KIF14: variants seen among roughly 807,000 people sequenced by gnomAD.
KIF14 encodes the protein kinesin-like protein KIF14.
Under a neutral mutation model 176.2 loss-of-function variants are expected in KIF14, and 98 were observed. That is an observed-to-expected ratio of 0.56 (90% CI 0.47 to 0.66). The LOEUF (loss-of-function observed/expected upper bound fraction) is 0.66, where lower values mean the gene tolerates loss of function less well. Among genes scored for constraint, KIF14 ranks in the 30% least tolerant of loss-of-function variants. The probability of loss-of-function intolerance (pLI) is 0.00; values close to 1 mark genes in which losing one functional copy is unlikely to be tolerated. For missense variants in KIF14, 1,751 were observed against 1,920.4 expected, an observed-to-expected ratio of 0.91 and a Z score of 1.65; for synonymous variants, 566 against 632.2, an observed-to-expected ratio of 0.90 and a Z score of 1.57.
chr1:200,596,273 T>C (rs1363830752), intron 14 of KIF14, among the ~76,000 whole-genome samples: 1 of 152,058 alleles, frequency 6.6e-6, no homozygotes, highest in Non-Finnish European at 1.5e-5. Flanking sequence ...TAAAGATTCA[T>C]TACAAAGCTC....
At chr1:200,615,831 C>A (rs1249812176) in intron 2 of KIF14, among the ~76,000 whole-genome samples, 1 of 152,076 alleles carries the variant, frequency 6.6e-6, no homozygotes, top group Admixed American at 6.5e-5. Context: ...TCCCAGATTC[C>A]TCCAGAAAAC....
intron 2 of KIF14, among the ~76,000 whole-genome samples, chr1:200,617,009 C>T (rs1260576088): frequency 1.3e-5 from 2 of 152,128 alleles, no homozygotes; most frequent in Non-Finnish European, 2.9e-5. Flanking sequence ...GTTCTGTCGC[C>T]CAGGCTGGAG....
intron 14 of KIF14, among the ~76,000 whole-genome samples, chr1:200,595,614 G>A (rs1342044314): frequency 6.6e-6 from 1 of 152,068 alleles, no homozygotes; most frequent in Non-Finnish European, 1.5e-5. Context: ...TAATAAAAGA[G>A]CAAAAGAACC....
At chr1:200,572,351 CT>C (rs952908808) in intron 22 of KIF14, among the ~76,000 whole-genome samples, 3 of 151,098 alleles carry the variant, frequency 2.0e-5, no homozygotes, top group African/African-American at 7.3e-5. Flanking sequence ...GGCTAAAAGT[CT>C]TTTTTTTTAA....
In KIF14 at chr1:200,618,110, C is replaced by T; in HGVS notation, c.614G>A (p.Arg205Lys). ...KYKETFSAPS[R>K]ANENVALKYS... ...CTTAAGTGCAACATTTTCATTTGCT[C>T]TACTGGGGGCAGAAAATGTTTCTTT... Residue 205 changes from arginine to lysine, a missense_variant, in exon 2 of 30, where the codon AGA becomes AAA. Transcript: ENST00000367350. 1.2e-6 allele frequency: 2 copies of T among 1,614,030 alleles called. No individual in the cohort carries two copies. Among genetic ancestry groups the T allele is most frequent in the Non-Finnish European group, 1.7e-6 (2 of 1,180,018 alleles).
intron 11 of KIF14, among the ~76,000 whole-genome samples, chr1:200,601,153 G>A (rs1659607239): frequency 1.3e-5 from 2 of 152,176 alleles, no homozygotes. Context: ...AAAGTGCTGG[G>A]ATTATAGGCA....
At chr1:200,561,279 G>A (rs1441894769) in intron 25 of KIF14, among the ~76,000 whole-genome samples, 2 of 149,430 alleles carry the variant, frequency 1.3e-5, no homozygotes, top group Admixed American at 6.7e-5. Flanking sequence ...GGTGGCTCAT[G>A]CCTGTAATCT....
chr1:200,589,368 C>G lies in KIF14; in HGVS notation c.2963G>C (p.Arg988Thr). 3.8e-6 allele frequency: 6 copies of G among 1,598,148 alleles called. No homozygotes were observed. The highest frequency in any genetic ancestry group is 5.1e-6 in the Non-Finnish European group (6 of 1,172,534). Residue 988 changes from arginine (R) to threonine (T), a missense_variant and splice_region_variant, in exon 18 of 30, where the codon AGA becomes ACA. Physicochemically the swap from Arg to Thr is moderately conservative, Grantham distance 71. Transcript: ENST00000367350. ...CATTTTTTTCCTTTGAGACTCTTCT[C>G]TCTTTAAAGAACAATAATAAAAAAT... ...SKIKALEAELREESQRKKMQE... is the reference protein window; with the variant it reads ...SKIKALEAELTEESQRKKMQE...
At chr1:200,614,965 G>A (rs1660340945) in intron 3 of KIF14, among the ~76,000 whole-genome samples, 3 of 152,086 alleles carry the variant, frequency 2.0e-5, no homozygotes, top group African/African-American at 7.2e-5. Flanking sequence ...TCGAACTCCT[G>A]CACTTAAGCA....
At position 200,618,017 on chromosome 1, in the gene KIF14, G is replaced by A. The variant is rs1660492386; in HGVS notation, c.707C>T (p.Thr236Ile). The A allele has an allele frequency of 6.2e-7, 1 of 1,614,108 alleles. No homozygotes were observed. Among genetic ancestry groups the A allele is most frequent in the Non-Finnish European group, 8.5e-7 (1 of 1,180,014 alleles). ...CAACTTGCTCTGAGTAGGTTTCGTT[G>A]TCAAGTGTCCTGATCTAACAACTTC... ...QTEVVRSGHL[T>I]TKPTQSKLDI... The change falls in exon 2 of 30, where the codon ACA becomes ATA. Residue 236 changes from threonine to isoleucine, a missense_variant. Physicochemically the swap from Thr to Ile is moderately conservative, Grantham distance 89. Transcript: ENST00000367350.
In KIF14 at chr1:200,615,563, C is replaced by T; in HGVS notation, c.1159G>A (p.Glu387Lys). 1.2e-6 allele frequency: 2 copies of T among 1,613,804 alleles called. No individual in the cohort carries two copies. The highest frequency in any genetic ancestry group is 1.7e-6 in the Non-Finnish European group (2 of 1,179,764). Residue 387 changes from glutamate to lysine, a missense_variant, in exon 3 of 30, where the codon GAA (glutamate) becomes AAA (lysine). Coordinates refer to ENST00000367350, the MANE Select transcript of KIF14 (RefSeq NM_014875.3). The stretch of plus-strand genomic sequence containing the variant: ...GTGTCAGGGTGTTCCACAGTTATTT[C>T]TTTCCCACTCATGAAGACTACCTGG... ...ASQVVFMSGK[E>K]ITVEHPDTKQ...
chr1:200,617,202 A>AAGTGATCTGCCTGCCTTGACCTCC (rs1208476442), intron 2 of KIF14, among the ~76,000 whole-genome samples: 6 of 152,268 alleles, frequency 3.9e-5, no homozygotes, highest in African/African-American at 1.4e-4. Context: ...CCCTGGCCTC[A>AAGTGATCTGCCTGCCTTGACCTCC]AGTGATCTGC....
chr1:200,569,976 ATTCTTCTG>A lies in KIF14; in HGVS notation c.3588_3595del (p.Arg1197PhefsTer6). 1 of 1,603,410 alleles carries A rather than the reference ATTCTTCTG, an allele frequency of 6.2e-7. No individual in the cohort carries two copies. Among genetic ancestry groups the A allele is most frequent in the Non-Finnish European group, 8.5e-7 (1 of 1,172,402 alleles). On this transcript the variant is annotated frameshift_variant, in exon 23 of 30. Transcript: ENST00000367350. LOFTEE classifies it high-confidence loss of function. ...TTGTATGTCATGTAAACAACCAGAA[ATTCTTCTG>A]TTCTTCATCAAACTCCTACTCCTGA...
intron 14 of KIF14, among the ~76,000 whole-genome samples, chr1:200,595,008 CA>C (rs1296472356): frequency 7.9e-5 from 12 of 152,270 alleles, no homozygotes; most frequent in Admixed American, 7.8e-4. Context: ...AATCTGGCTT[CA>C]ACCACCAACC....
In KIF14 at chr1:200,617,685, C is replaced by A. The variant is rs764482682; in HGVS notation, c.1039G>T (p.Ala347Ser). ...EEETVVQNTS[A>S]GKDPLKVENS... The stretch of plus-strand genomic sequence containing the variant: ...TCTACTTTTAAGGGGTCTTTTCCTG[C>A]AGAGGTGTTCTGAACTACAGTTTCT... The change falls in exon 2 of 30, where the codon GCA becomes TCA. Residue 347 changes from alanine (A) to serine (S), a missense_variant. Ala to Ser is a moderately conservative substitution (Grantham distance 99, BLOSUM62 1). Coordinates refer to ENST00000367350, the MANE Select transcript of KIF14 (RefSeq NM_014875.3). 1 of 1,614,170 alleles carries A rather than the reference C, an allele frequency of 6.2e-7. No homozygotes were observed. The highest frequency in any genetic ancestry group is 8.5e-7 in the Non-Finnish European group (1 of 1,180,000).
At chr1:200,561,229 TAAAAA>T (rs10643609) in intron 25 of KIF14, among the ~76,000 whole-genome samples, 2 of 128,080 alleles carry the variant, frequency 1.6e-5, no homozygotes, top group African/African-American at 6.0e-5. Flanking sequence ...GACTCCATCT[TAAAAA>T]AAAAAAAAAA....
intron 25 of KIF14, among the ~76,000 whole-genome samples, chr1:200,564,815 T>TG (rs1657354333): frequency 6.6e-6 from 1 of 152,192 alleles, no homozygotes; most frequent in African/African-American, 2.4e-5. Context: ...ATAACAACAG[T>TG]GCCCACTGCT....
In KIF14 at chr1:200,615,555, A is replaced by G. The variant is rs1211705570; in HGVS notation, c.1167T>C (p.Thr389=). Residue 389 remains threonine, a synonymous_variant, in exon 3 of 30, where the codon ACT becomes ACC. Transcript: ENST00000367350. ...CTTGTTTCGTGTCAGGGTGTTCCACAGTTATTTCTTTCCCACTCATGAAGA... is the reference window on the plus strand; with the variant it reads ...CTTGTTTCGTGTCAGGGTGTTCCACGGTTATTTCTTTCCCACTCATGAAGA... ...QVVFMSGKEI[T]VEHPDTKQVY... is the part of the protein sequence containing the mutation. The G allele has an allele frequency of 1.9e-6, 3 of 1,613,676 alleles. No individual in the cohort carries two copies. The highest frequency in any genetic ancestry group is 2.5e-6 in the Non-Finnish European group (3 of 1,179,704).
At chr1:200,560,461 G>A (rs997460782) in intron 26 of KIF14, among the ~76,000 whole-genome samples, 5 of 151,990 alleles carry the variant, frequency 3.3e-5, no homozygotes, top group Non-Finnish European at 1.5e-5. Flanking sequence ...CAGTAGAGAC[G>A]GGTGTTTCGC....
Sources: gnomAD v4.1 joint callset for allele counts (sites outside exome capture counted in the v4.1 genomes callset) on GRCh38, gnomAD v4.1.1 for gene constraint, MANE v1.5 for transcripts, NCBI Gene and HGNC (gene_info 2026-07-23, HGNC 2026-07-21) for gene names.